Variants in ZNF451 observed in about 807,000 individuals in gnomAD.
ZNF451 encodes E3 SUMO-protein ligase ZNF451.
ZNF451 carries 80 observed loss-of-function variants against 107.1 expected under a neutral mutation model. That is an observed-to-expected ratio of 0.75 (90% confidence interval 0.62 to 0.90). The LOEUF (loss-of-function observed/expected upper bound fraction) is 0.90, where lower values mean the gene tolerates loss of function less well. Ranked by LOEUF, ZNF451 falls within the 40% of genes least tolerant of loss-of-function variation. The probability of loss-of-function intolerance (pLI) is 0.00; values close to 1 mark genes in which losing one functional copy is unlikely to be tolerated. For missense variants in ZNF451, 1,107 were observed against 1,236.2 expected (o/e 0.90, Z 1.57); for synonymous variants, 362 against 406.5 (o/e 0.89, Z 1.32).
chr6:57,095,980 C>T (rs573505166), intron 2 of ZNF451, among the ~76,000 whole-genome samples: 23 of 151,756 alleles, frequency 1.5e-4, no homozygotes, highest in South Asian at 1.2e-3. Context: ...TACACCACCA[C>T]GCCCAGCTAA....
At chr6:57,101,845 T>G (rs908769948) in intron 3 of ZNF451, 4 of 1,550,570 alleles carry the variant, frequency 2.6e-6, no homozygotes, top group Non-Finnish European at 3.5e-6. Flanking sequence ...GATCTCCCAC[T>G]TGCCCTTTGA....
intron 3 of ZNF451, chr6:57,101,728 A>G (rs975896328): frequency 3.2e-6 from 5 of 1,550,498 alleles, no homozygotes; most frequent in Non-Finnish European, 4.4e-6. Flanking sequence ...ACTTTGTACT[A>G]CTAGGGACAT....
At chr6:57,166,297 G>A (rs982901679) in intron 14 of ZNF451, among the ~76,000 whole-genome samples, 4 of 152,248 alleles carry the variant, frequency 2.6e-5, no homozygotes, top group Middle Eastern at 3.4e-3. Context: ...CAAAGTACTC[G>A]GATTAAGACA....
chr6:57,138,731 A>ATGTGTGTGTG (rs1298715865), intron 7 of ZNF451, among the ~76,000 whole-genome samples: 69 of 113,050 alleles, frequency 6.1e-4, no homozygotes, highest in Non-Finnish European at 9.3e-4. Flanking sequence ...ATATATATAT[A>ATGTGTGTGTG]TATATATATA....
chr6:57,153,174 T>C (rs1453586022), intron 12 of ZNF451, among the ~76,000 whole-genome samples: 2 of 152,186 alleles, frequency 1.3e-5, no homozygotes, highest in African/African-American at 4.8e-5. Context: ...AATGCCAAGA[T>C]TGAATCATGC....
intron 3 of ZNF451, among the ~76,000 whole-genome samples, chr6:57,123,769 CTGGAGGGAGTACTAA>C (rs1427662336): frequency 6.6e-6 from 1 of 152,022 alleles, no homozygotes; most frequent in African/African-American, 2.4e-5. Flanking sequence ...AGTATTTCAT[CTGGAGGGAGTACTAA>C]TGTACATAGT....
intron 3 of ZNF451, among the ~76,000 whole-genome samples, chr6:57,112,650 G>C (rs1380070038): frequency 1.3e-5 from 2 of 152,096 alleles, no homozygotes; most frequent in Non-Finnish European, 2.9e-5. Flanking sequence ...TAGGAAACTG[G>C]GTTGTTGTGA....
chr6:57,145,046 C>A (rs1831992327), intron 9 of ZNF451, among the ~76,000 whole-genome samples: 1 of 152,070 alleles, frequency 6.6e-6, no homozygotes, highest in South Asian at 2.1e-4. Flanking sequence ...CAATTTAATT[C>A]CACAATAATT....
At chr6:57,104,132 G>A (rs995833864) in intron 3 of ZNF451, 1 of 984,860 alleles carries the variant, frequency 1.0e-6, no homozygotes, top group Non-Finnish European at 1.2e-6. Context: ...CACTTCTGTA[G>A]AAATAGGTCC....
intron 3 of ZNF451, among the ~76,000 whole-genome samples, chr6:57,118,977 G>T (rs1041850613): frequency 1.3e-5 from 2 of 152,168 alleles, no homozygotes; most frequent in African/African-American, 4.8e-5. Flanking sequence ...GTGAGCTGGG[G>T]TTACTTCTAT....
At chr6:57,153,651 G>A (rs1418150616) in intron 12 of ZNF451, among the ~76,000 whole-genome samples, 3 of 152,090 alleles carry the variant, frequency 2.0e-5, no homozygotes, top group Non-Finnish European at 2.9e-5. Flanking sequence ...GACCTCAAGC[G>A]ATCCACCTGC....
At chr6:57,094,193 ATATTGGTT>A (rs1487838125) in intron 2 of ZNF451, among the ~76,000 whole-genome samples, 2 of 152,238 alleles carry the variant, frequency 1.3e-5, no homozygotes, top group African/African-American at 2.4e-5. Flanking sequence ...AAAACTTAGA[ATATTGGTT>A]TAACTGTTTT....
At chr6:57,095,516 A>G (rs926506325) in intron 2 of ZNF451, among the ~76,000 whole-genome samples, 1 of 151,682 alleles carries the variant, frequency 6.6e-6, no homozygotes, top group Non-Finnish European at 1.5e-5. Context: ...TTATTTTTGT[A>G]GAGATGAGGT....
At chr6:57,138,340 G>A (rs1325890495) in intron 7 of ZNF451, among the ~76,000 whole-genome samples, 2 of 151,174 alleles carry the variant, frequency 1.3e-5, no homozygotes, top group African/African-American at 4.9e-5. Context: ...TCGGCTCACT[G>A]CAACCTCTGC....
At chr6:57,109,454 A>G in intron 3 of ZNF451, 2 of 985,426 alleles carry the variant, frequency 2.0e-6, no homozygotes, top group Non-Finnish European at 2.4e-6. Flanking sequence ...TTACTCTCAA[A>G]TGAGGTAATA....
intron 2 of ZNF451, among the ~76,000 whole-genome samples, chr6:57,095,568 A>G (rs1052761086): frequency 9.2e-5 from 14 of 151,860 alleles, no homozygotes; most frequent in Non-Finnish European, 1.8e-4. Flanking sequence ...CCTGGACTCA[A>G]GTGATCCTCC....
At position 57,114,689 on chromosome 6, in the gene ZNF451, A is replaced by G. The variant is rs1562599660; in HGVS notation, c.187-10045A>G. ...TTTTTGTAGGATATATATTAAACAT[A>G]TTTTTATAAGGCAAAATTAGTGATT... On this transcript the variant is annotated intron_variant, in intron 3 of 14. Coordinates refer to ENST00000370706, the MANE Select transcript of ZNF451 (RefSeq NM_001031623.3). 2.6e-5 allele frequency among the ~76,000 whole-genome samples: 4 copies of G among 152,290 alleles called. No homozygotes were observed. The South Asian group carries it at 8.3e-4, about 32-fold the overall frequency.
chr6:57,132,378 T>G (rs1382200533), intron 5 of ZNF451, among the ~76,000 whole-genome samples: 3 of 152,166 alleles, frequency 2.0e-5, no homozygotes, highest in African/African-American at 7.2e-5. Context: ...ATAATATAGC[T>G]AAATTTATAA....
chr6:57,137,016 T>C (rs1489637665), intron 7 of ZNF451, among the ~76,000 whole-genome samples: 1 of 152,194 alleles, frequency 6.6e-6, no homozygotes. Flanking sequence ...ACTGAATCTG[T>C]GAGTTTAGTT....
Sources: gnomAD v4.1 joint callset for allele counts (sites outside exome capture counted in the v4.1 genomes callset) on GRCh38, gnomAD v4.1.1 for gene constraint, MANE v1.5 for transcripts, NCBI Gene and HGNC (gene_info 2026-07-23, HGNC 2026-07-21) for gene names.